Variants in ZDHHC17 observed in about 807,000 individuals in gnomAD.
The protein encoded by ZDHHC17 is palmitoyltransferase ZDHHC17.
A neutral mutation model predicts 90.3 loss-of-function variants in ZDHHC17; 40 were observed. The observed-to-expected ratio is 0.44, with a 90% CI of 0.34 to 0.58. ZDHHC17 has a LOEUF of 0.58. Among genes scored for constraint, ZDHHC17 ranks in the 20% least tolerant of loss-of-function variants. The probability of loss-of-function intolerance (pLI) is 0.01; values close to 1 mark genes in which losing one functional copy is unlikely to be tolerated. For missense variants in ZDHHC17, 614 were observed against 780.8 expected (o/e 0.79, Z 2.55); for synonymous variants, 235 against 252.4 (o/e 0.93, Z 0.65).
intron 1 of ZDHHC17, among the ~76,000 whole-genome samples, chr12:76,770,973 C>T (rs1952485129): frequency 6.7e-6 from 1 of 148,280 alleles, no homozygotes; most frequent in Non-Finnish European, 1.5e-5. Context: ...ACAGAACCCA[C>T]AACAATTACA....
chr12:76,788,688 ATTTT>A (rs763269507), intron 1 of ZDHHC17, among the ~76,000 whole-genome samples: 11 of 98,666 alleles, frequency 1.1e-4, no homozygotes, highest in South Asian at 3.4e-4. Context: ...TGGAATCGCA[ATTTT>A]TTTTTTTTTT....
chr12:76,792,301 A>T (rs375175804), intron 1 of ZDHHC17, among the ~76,000 whole-genome samples: 1 of 152,218 alleles, frequency 6.6e-6, no homozygotes, highest in Non-Finnish European at 1.5e-5. Context: ...TGAACCTGGG[A>T]CAAAGACGGA....
intron 7 of ZDHHC17, among the ~76,000 whole-genome samples, chr12:76,816,787 T>C (rs1387274384): frequency 2.0e-5 from 3 of 152,038 alleles, no homozygotes; most frequent in Admixed American, 6.6e-5. Context: ...TAAAATAGTT[T>C]AGGCTAGTTT....
At chr12:76,844,933 C>A (rs1953476101) in intron 12 of ZDHHC17, 1 of 152,062 alleles carries the variant, frequency 6.6e-6, no homozygotes, top group Non-Finnish European at 1.5e-5. Flanking sequence ...ATTCACTTGG[C>A]TGATTTAGAG....
intron 1 of ZDHHC17, among the ~76,000 whole-genome samples, chr12:76,787,781 A>G (rs1952707689): frequency 6.6e-6 from 1 of 152,246 alleles, no homozygotes; most frequent in African/African-American, 2.4e-5. Flanking sequence ...AAAACCATAT[A>G]CTAGTTATAA....
At chr12:76,787,414 T>A (rs1031712671) in intron 1 of ZDHHC17, among the ~76,000 whole-genome samples, 1 of 152,190 alleles carries the variant, frequency 6.6e-6, no homozygotes, top group East Asian at 1.9e-4. Flanking sequence ...CCATATACAG[T>A]GTTATGCATT....
intron 2 of ZDHHC17, among the ~76,000 whole-genome samples, chr12:76,800,496 T>A (rs1371357716): frequency 1.3e-5 from 2 of 152,352 alleles, no homozygotes; most frequent in East Asian, 3.9e-4. Flanking sequence ...TCTGTCAATT[T>A]TTGCTTCAAA....
intron 1 of ZDHHC17, among the ~76,000 whole-genome samples, chr12:76,770,575 C>T (rs1166371842): frequency 6.6e-6 from 1 of 152,160 alleles, no homozygotes; most frequent in Non-Finnish European, 1.5e-5. Context: ...CGTGGTCCTC[C>T]TTTCCTCCTA....
Position 76,802,063 on chromosome 12 carries a change from G to A in ZDHHC17, c.198-3254G>A, listed in dbSNP as rs541433770. Reference sequence around the variant, plus strand: ...TATTGAGATCTTTATTTTTTCATATGCCTTTGAGTTACTGTCTAGTGTCCC... The same window carrying A: ...TATTGAGATCTTTATTTTTTCATATACCTTTGAGTTACTGTCTAGTGTCCC... On this transcript the variant is annotated intron_variant, in intron 2 of 16. Transcript: ENST00000426126. 2.0e-5 allele frequency among the ~76,000 whole-genome samples: 3 copies of A among 152,144 alleles called. No homozygotes were observed. In the South Asian group the frequency reaches 6.2e-4, roughly 32 times the overall value.
Position 76,836,197 on chromosome 12 carries a change from G to A in ZDHHC17, c.1142-5785G>A, listed in dbSNP as rs758503173. On this transcript the variant is annotated intron_variant, in intron 10 of 16. Coordinates refer to ENST00000426126, the MANE Select transcript of ZDHHC17 (RefSeq NM_015336.4). ...ATAGCCTCAAAATGGGTGGAGACTT[G>A]TTCTTTTTTTATGTTCTTTGAAAGG... Among the ~76,000 whole-genome samples the A allele has an allele frequency of 1.0e-3, 155 of 151,684 alleles. 1 individual carries two copies. Among genetic ancestry groups the A allele is most frequent in the Non-Finnish European group, 1.6e-3 (107 of 67,868 alleles).
chr12:76,819,042 G>C (rs1273744455), intron 7 of ZDHHC17, among the ~76,000 whole-genome samples: 1 of 152,168 alleles, frequency 6.6e-6, no homozygotes, highest in Non-Finnish European at 1.5e-5. Context: ...TGGATTTGGA[G>C]AGGATATTTT....
chr12:76,830,570 T>TA (rs1953287945), intron 10 of ZDHHC17, among the ~76,000 whole-genome samples: 2 of 152,224 alleles, frequency 1.3e-5, no homozygotes, highest in African/African-American at 4.8e-5. Flanking sequence ...AGAATTGCCA[T>TA]ATTGGAACAC....
chr12:76,822,384 T>A, intron 7 of ZDHHC17, 22 bp from the exon 8 acceptor site: 3 of 1,608,786 alleles, frequency 1.9e-6, no homozygotes, highest in Non-Finnish European at 2.6e-6. Context: ...TTAATAGGAA[T>A]TTCTTCTGTT....
intron 8 of ZDHHC17, among the ~76,000 whole-genome samples, chr12:76,822,880 A>G (rs1953182948): frequency 1.3e-5 from 2 of 152,022 alleles, no homozygotes; most frequent in African/African-American, 4.8e-5. Context: ...TTTTCGATAT[A>G]TAATTTTTTA....
intron 1 of ZDHHC17, among the ~76,000 whole-genome samples, chr12:76,773,612 A>G (rs937916013): frequency 9.2e-5 from 14 of 152,248 alleles, no homozygotes; most frequent in Non-Finnish European, 1.3e-4. Context: ...TCAGGTTCAC[A>G]TCATTAGAAA....
At chr12:76,770,144 G>T (rs1454564351) in intron 1 of ZDHHC17, among the ~76,000 whole-genome samples, 1 of 152,200 alleles carries the variant, frequency 6.6e-6, no homozygotes. Context: ...TGAGGATTAA[G>T]TGAGATAATA....
At position 76,853,283 on chromosome 12, in the gene ZDHHC17, T is replaced by G. The variant is rs79545173; in HGVS notation, c.*2298T>G. 0.021 allele frequency: 3,160 copies of G among 152,428 alleles called. 74 individuals are homozygous for G. The highest frequency in any genetic ancestry group is 0.11 in the East Asian group (546 of 5,174). The allele number at this position is 152,428 out of a possible 1,614,324, so 9.4% of individuals were successfully genotyped here. On this transcript the variant is annotated 3_prime_UTR_variant, in exon 17 of 17. Transcript: ENST00000426126. ...GCAGTATACCATCTGTTTAATTATT[T>G]TGTAGGTCCTGTGTGTGGAACCAAC...
chr12:76,809,601 T>C (rs1952995973), intron 4 of ZDHHC17, 112 bp from the exon 5 acceptor site: 2 of 883,006 alleles, frequency 2.3e-6, no homozygotes, highest in African/African-American at 1.8e-5. Context: ...AAAATAACTT[T>C]TCAAAATACA....
chr12:76,766,249 C>T (rs1952430261), intron 1 of ZDHHC17, among the ~76,000 whole-genome samples: 1 of 152,142 alleles, frequency 6.6e-6, no homozygotes, highest in Non-Finnish European at 1.5e-5. Flanking sequence ...ATATACCGTT[C>T]CTTTTTACCC....
Sources: allele counts gnomAD v4.1 joint callset (sites outside exome capture counted in the v4.1 genomes callset), GRCh38; gene constraint gnomAD v4.1.1; transcripts MANE v1.5; gene names NCBI Gene and HGNC (gene_info 2026-07-23, HGNC 2026-07-21).